Variants in MEF2A observed in about 807,000 individuals in gnomAD.
The protein encoded by MEF2A is myocyte-specific enhancer factor 2A.
Under a neutral mutation model 55.8 loss-of-function variants are expected in MEF2A, and 28 were observed. The ratio of observed to expected loss-of-function variants is 0.50; its 90% CI spans 0.37 to 0.69. The LOEUF is 0.69. MEF2A is among the 30% of genes least tolerant of loss of function. The pLI is 0.00. For synonymous variants in MEF2A, 239 were observed against 227.1 expected (o/e 1.05, Z -0.47); for missense variants, 528 against 626.2 (o/e 0.84, Z 1.67).
intron 2 of MEF2A, among the ~76,000 whole-genome samples, chr15:99,616,025 G>C (rs1225151218): frequency 1.3e-5 from 2 of 152,104 alleles, no homozygotes; most frequent in Non-Finnish European, 2.9e-5. Flanking sequence ...TTAAAAATAA[G>C]AAAATTTCGC....
chr15:99,679,473 T>G (rs149741316), intron 7 of MEF2A, among the ~76,000 whole-genome samples: 3 of 152,334 alleles, frequency 2.0e-5, no homozygotes, highest in African/African-American at 7.2e-5. Flanking sequence ...TACTCAAGAT[T>G]CTAACTATAT....
chr15:99,710,554 A>G, intron 10 of MEF2A, 80 bp from the exon 11 acceptor site: 1 of 1,549,360 alleles, frequency 6.5e-7, no homozygotes, highest in South Asian at 1.1e-5. Flanking sequence ...CAATGTAGGA[A>G]CTTTTGCAGT....
chr15:99,633,248 G>T (rs1355555076), intron 3 of MEF2A, 75 bp downstream of exon 3: 5 of 1,057,476 alleles, frequency 4.7e-6, no homozygotes, highest in Non-Finnish European at 6.5e-6. Flanking sequence ...GAATGGTTGG[G>T]TTTTTCTTAA....
At chr15:99,580,482 T>C (rs568401191) in intron 1 of MEF2A, among the ~76,000 whole-genome samples, 2 of 152,306 alleles carry the variant, frequency 1.3e-5, no homozygotes, top group South Asian at 4.1e-4. Context: ...ACATAGGCAG[T>C]CAACTTCCAC....
rs905792439 is a variant in MEF2A, at chr15:99,671,351, G to T, written c.287G>T (p.Cys96Phe). 2 of 1,612,318 alleles carry T rather than the reference G, an allele frequency of 1.2e-6. No individual in the cohort carries two copies. Among genetic ancestry groups the T allele is most frequent in the Non-Finnish European group, 1.7e-6 (2 of 1,178,522 alleles). Reference protein sequence around the residue: ...ETLRKKGLNGCESPDADDYFE... With the variant: ...ETLRKKGLNGFESPDADDYFE... Reference sequence around the variant, plus strand: ...TTAAGAAAGAAAGGCCTTAATGGTTGTGAGAGCCCTGATGCTGACGATTAC... The same window carrying T: ...TTAAGAAAGAAAGGCCTTAATGGTTTTGAGAGCCCTGATGCTGACGATTAC... The change falls in exon 5 of 12, where the codon TGT becomes TTT. Residue 96 changes from cysteine to phenylalanine, a missense_variant. Physicochemically the swap from Cys to Phe is radical, Grantham distance 205 (BLOSUM62 -2). Coordinates refer to ENST00000557942, the MANE Select transcript of MEF2A (RefSeq NM_001319206.4).
chr15:99,673,542 AGTT>A (rs1229336734), intron 5 of MEF2A, among the ~76,000 whole-genome samples: 1 of 152,160 alleles, frequency 6.6e-6, no homozygotes, highest in East Asian at 1.9e-4. Context: ...GGCAGAGTAA[AGTT>A]GTTTTATTTT....
chr15:99,654,730 GC>G (rs2047422405), intron 4 of MEF2A, among the ~76,000 whole-genome samples: 1 of 152,036 alleles, frequency 6.6e-6, no homozygotes, highest in Non-Finnish European at 1.5e-5. Flanking sequence ...GGCAGTGGTA[GC>G]TCTAGGCCTT....
At chr15:99,707,841 G>A (rs565659002) in intron 10 of MEF2A, among the ~76,000 whole-genome samples, 6 of 152,226 alleles carry the variant, frequency 3.9e-5, no homozygotes, top group South Asian at 2.1e-4. Flanking sequence ...ACTGCTGTCC[G>A]CAGCTACGTG....
Position 99,690,472 on chromosome 15 carries a change from T to G in MEF2A, c.858+44T>G, listed in dbSNP as rs368911649. ...CAACTTCATTCTTTAAAACACATAT[T>G]TTATACATAGTCAATCTGTAGCTTC... is the stretch of plus-strand genomic sequence containing the variant. On this transcript the variant is annotated intron_variant, in intron 8 of 11. Coordinates refer to ENST00000557942, the MANE Select transcript of MEF2A (RefSeq NM_001319206.4). The G allele has an allele frequency of 7.5e-5, 112 of 1,499,166 alleles. 1 individual carries two copies. The highest frequency in any genetic ancestry group is 4.5e-4 in the Admixed American group (23 of 50,828). The allele number at this position is 1,499,166 out of a possible 1,614,324, so 92.9% of individuals were successfully genotyped here. A position where few individuals can be genotyped will look rare whatever the true frequency, so the allele number is the denominator to read the frequency against.
chr15:99,572,458 A>T (rs1962735073), intron 1 of MEF2A, among the ~76,000 whole-genome samples: 1 of 152,232 alleles, frequency 6.6e-6, no homozygotes, highest in South Asian at 2.1e-4. Flanking sequence ...TAATTTGTGT[A>T]TACCTGGTTT....
chr15:99,686,977 T>C (rs534954348), intron 7 of MEF2A, among the ~76,000 whole-genome samples: 33 of 151,890 alleles, frequency 2.2e-4, no homozygotes, highest in Non-Finnish European at 4.1e-4. Flanking sequence ...TAGGCTGGAA[T>C]GTGGTGGCGT....
intron 7 of MEF2A, among the ~76,000 whole-genome samples, chr15:99,675,982 G>T (rs543263123): frequency 6.6e-6 from 1 of 152,146 alleles, no homozygotes; most frequent in African/African-American, 2.4e-5. Flanking sequence ...GGTGGTTGCA[G>T]TGAGCTGAGA....
chr15:99,631,215 A>G (rs1158675818), intron 2 of MEF2A, among the ~76,000 whole-genome samples: 1 of 152,234 alleles, frequency 6.6e-6, no homozygotes, highest in African/African-American at 2.4e-5. Context: ...TCTTACAGCC[A>G]TTAAAATATC....
chr15:99,608,540 A>G (rs1451688144), intron 2 of MEF2A, among the ~76,000 whole-genome samples: 1 of 152,148 alleles, frequency 6.6e-6, no homozygotes, highest in Non-Finnish European at 1.5e-5. Context: ...CCCTCCTCCC[A>G]TCCTGTTTTT....
At chr15:99,651,753 T>C (rs1205115576) in intron 4 of MEF2A, among the ~76,000 whole-genome samples, 1 of 152,212 alleles carries the variant, frequency 6.6e-6, no homozygotes, top group Non-Finnish European at 1.5e-5. Context: ...ATACAATTAT[T>C]GGTTTTCATT....
intron 8 of MEF2A, among the ~76,000 whole-genome samples, chr15:99,697,724 C>G (rs1416574461): frequency 6.6e-6 from 1 of 152,116 alleles, no homozygotes; most frequent in South Asian, 2.1e-4. Context: ...TACTAACAAG[C>G]TGATTCTAAA....
chr15:99,592,249 G>T (rs1032041789), intron 1 of MEF2A, among the ~76,000 whole-genome samples: 5 of 152,110 alleles, frequency 3.3e-5, no homozygotes, highest in African/African-American at 1.2e-4. Context: ...TCTCTGGGTG[G>T]AACTTGAACA....
chr15:99,699,822 T>C (rs1453449226), intron 8 of MEF2A, among the ~76,000 whole-genome samples: 1 of 151,690 alleles, frequency 6.6e-6, no homozygotes, highest in Non-Finnish European at 1.5e-5. Context: ...CAAATGGACA[T>C]TGTAGATAAA....
intron 6 of MEF2A, among the ~76,000 whole-genome samples, chr15:99,675,092 T>C (rs2051691742): frequency 6.6e-6 from 1 of 152,174 alleles, no homozygotes; most frequent in African/African-American, 2.4e-5. Flanking sequence ...TTTAATTTAG[T>C]GATTTAATCA....
Sources: allele counts gnomAD v4.1 joint callset (sites outside exome capture counted in the v4.1 genomes callset), GRCh38; gene constraint gnomAD v4.1.1; transcripts MANE v1.5; gene names NCBI Gene and HGNC (gene_info 2026-07-23, HGNC 2026-07-21).